Variants in RCOR1 observed in about 807,000 individuals in gnomAD.
RCOR1 encodes the protein REST corepressor 1, also known as REST corepressor.
Under a neutral mutation model 64.0 loss-of-function variants are expected in RCOR1, and 12 were observed. The observed-to-expected ratio is 0.19, with a 90% confidence interval of 0.12 to 0.30. The LOEUF (loss-of-function observed/expected upper bound fraction) is 0.30. RCOR1 is among the 10% of genes least tolerant of loss of function. The pLI, the probability that RCOR1 is intolerant of heterozygous loss-of-function variation, is 1.00. For synonymous variants in RCOR1, 279 were observed against 227.2 expected (o/e 1.23, Z -2.05); for missense variants, 502 against 621.2 (o/e 0.81, Z 2.04).
intron 2 of RCOR1, among the ~76,000 whole-genome samples, chr14:102,599,277 C>G (rs1595188209): frequency 6.6e-6 from 1 of 152,128 alleles, no homozygotes; most frequent in Admixed American, 6.6e-5. Flanking sequence ...TACAGATGTC[C>G]ACGACCATGC....
intron 2 of RCOR1, among the ~76,000 whole-genome samples, chr14:102,670,741 T>TTA (rs5811078): frequency 0.2 from 28,615 of 146,576 alleles, 2,927 homozygotes; most frequent in East Asian, 0.35. Flanking sequence ...GACAAGATTA[T>TTA]TATATATATA....
intron 3 of RCOR1, among the ~76,000 whole-genome samples, chr14:102,692,440 AACACAC>A (rs10622844): frequency 2.3e-3 from 338 of 146,344 alleles, no homozygotes; most frequent in African/African-American, 7.2e-3. Flanking sequence ...GGAAAAAGTT[AACACAC>A]ACACACACAC....
Position 102,592,763 on chromosome 14 carries a change from G to T in RCOR1, c.-124G>T. ...TGGGCCTCCCCCGACTCGGACTCGC[G>T]CCCGTGGGCTCCCGCCGCGCCCGCC... is the stretch of plus-strand genomic sequence containing the variant. On this transcript the variant is annotated 5_prime_UTR_variant, in exon 1 of 12. Transcript: ENST00000262241. 2 of 1,211,408 alleles carry T rather than the reference G, an allele frequency of 1.7e-6. No homozygotes were observed. Among genetic ancestry groups the T allele is most frequent in the Non-Finnish European group, 2.1e-6 (2 of 975,228 alleles). 75.0% of individuals were successfully genotyped at this position (1,211,408 alleles called of 1,614,324 possible). A position where few individuals can be genotyped will look rare whatever the true frequency, so the allele number is the denominator to read the frequency against.
chr14:102,652,719 A>G (rs891274259), intron 2 of RCOR1, among the ~76,000 whole-genome samples: 1 of 152,010 alleles, frequency 6.6e-6, no homozygotes, highest in African/African-American at 2.4e-5. Context: ...TTTCCCATAG[A>G]TACGTAACAA....
intron 2 of RCOR1, among the ~76,000 whole-genome samples, chr14:102,672,835 A>G (rs999620776): frequency 9.9e-5 from 15 of 152,218 alleles, no homozygotes; most frequent in African/African-American, 2.2e-4. Flanking sequence ...TTCTGCTCCC[A>G]AACAGTTGAC....
At chr14:102,655,224 A>G (rs1894698919) in intron 2 of RCOR1, 6 of 983,174 alleles carry the variant, frequency 6.1e-6, no homozygotes, top group South Asian at 4.7e-5. Context: ...CAAGAGAAGT[A>G]CATTTCTTAG....
At chr14:102,668,246 AT>A (rs1294981563) in intron 2 of RCOR1, among the ~76,000 whole-genome samples, 2 of 152,216 alleles carry the variant, frequency 1.3e-5, no homozygotes, top group African/African-American at 4.8e-5. Flanking sequence ...CGTTTAGAAC[AT>A]TTCTTCTGAG....
chr14:102,635,464 A>G (rs1005908044), intron 2 of RCOR1, among the ~76,000 whole-genome samples: 5 of 152,164 alleles, frequency 3.3e-5, no homozygotes, highest in African/African-American at 9.7e-5. Flanking sequence ...AGATCACTCC[A>G]CTGCACTCCA....
intron 2 of RCOR1, among the ~76,000 whole-genome samples, chr14:102,604,683 C>T (rs995011415): frequency 4.6e-5 from 7 of 152,104 alleles, no homozygotes; most frequent in African/African-American, 9.7e-5. Context: ...AAAGGATCAA[C>T]AAGATAGACT....
At chr14:102,699,269 A>G (rs1007935394) in intron 3 of RCOR1, among the ~76,000 whole-genome samples, 4 of 152,232 alleles carry the variant, frequency 2.6e-5, no homozygotes, top group Non-Finnish European at 5.9e-5. Context: ...CTTCAAGTAA[A>G]TTGAAATTTT....
chr14:102,695,249 A>T (rs1459185675), intron 3 of RCOR1: 1 of 152,210 alleles, frequency 6.6e-6, no homozygotes, highest in African/African-American at 2.4e-5. Context: ...CTGTCACTTC[A>T]TCAACCACAG....
chr14:102,593,143 C>T lies in RCOR1; in HGVS notation c.257C>T (p.Ser86Phe), dbSNP rs757175409. Reference sequence around the variant, plus strand: ...CCCAATGGCAACAGCAGCAGCAACTCCTGGGAGGAAGGCAGCTCGGGCTCG... The same window carrying T: ...CCCAATGGCAACAGCAGCAGCAACTTCTGGGAGGAAGGCAGCTCGGGCTCG... Reference protein sequence around the residue: ...AAPNGNSSSNSWEEGSSGSSS... With the variant: ...AAPNGNSSSNFWEEGSSGSSS... The change falls in exon 1 of 12, where the codon TCC becomes TTC. Residue 86 changes from serine to phenylalanine, a missense_variant. This residue lies in a region of RCOR1 where 242 missense variants were observed against 204.9 expected (regional missense o/e 1.18). Transcript: ENST00000262241. 1 of 1,530,242 alleles carries T rather than the reference C, an allele frequency of 6.5e-7. No individual in the cohort carries two copies. The highest frequency in any genetic ancestry group is 1.2e-5 in the South Asian group (1 of 81,760). The allele number at this position is 1,530,242 out of a possible 1,614,324, so 94.8% of individuals were successfully genotyped here. A position where few individuals can be genotyped will look rare whatever the true frequency, so the allele number is the denominator to read the frequency against.
chr14:102,715,120 G>A (rs1248487566), intron 8 of RCOR1, among the ~76,000 whole-genome samples: 1 of 151,470 alleles, frequency 6.6e-6, no homozygotes, highest in Admixed American at 6.6e-5. Context: ...CCAGGCTGGA[G>A]TGCAGTGGCG....
Position 102,623,465 on chromosome 14 carries a change from A to G in RCOR1, c.361+30140A>G, listed in dbSNP as rs537033408. Among the ~76,000 whole-genome samples the G allele has an allele frequency of 3.6e-4, 55 of 150,804 alleles. 1 individual carries two copies. Among genetic ancestry groups the G allele is most frequent in the South Asian group, 6.3e-4 (3 of 4,798 alleles). Reference sequence around the variant, plus strand: ...GCTCTGTCGCCCAGGCTGGAGTGCAATGGCGCGATCTTGGCTCACTGCAAG... The same window carrying G: ...GCTCTGTCGCCCAGGCTGGAGTGCAGTGGCGCGATCTTGGCTCACTGCAAG... On this transcript the variant is annotated intron_variant, in intron 2 of 11. Transcript: ENST00000262241.
chr14:102,610,772 T>G (rs1362353253), intron 2 of RCOR1, among the ~76,000 whole-genome samples: 1 of 151,990 alleles, frequency 6.6e-6, no homozygotes, highest in African/African-American at 2.4e-5. Context: ...GCCAGGATGG[T>G]CTCAATCTCC....
At chr14:102,713,072 G>C (rs540165041) in intron 7 of RCOR1, among the ~76,000 whole-genome samples, 2 of 143,272 alleles carry the variant, frequency 1.4e-5, no homozygotes, top group South Asian at 4.6e-4. Context: ...CTCTGCTTCA[G>C]CCTCCCAAGT....
At chr14:102,677,076 A>G (rs1595225350) in intron 2 of RCOR1, among the ~76,000 whole-genome samples, 1 of 105,514 alleles carries the variant, frequency 9.5e-6, no homozygotes, top group South Asian at 3.4e-4. Context: ...GGCCGGGCAG[A>G]GGGGCTCCTC....
intron 3 of RCOR1, 79 bp downstream of exon 3, chr14:102,682,057 C>G (rs1166951292): frequency 5.2e-6 from 4 of 774,718 alleles, no homozygotes; most frequent in Non-Finnish European, 8.5e-6. Context: ...GTAAAAGCTT[C>G]TATATGTATT....
rs139255181 is a variant in RCOR1, at chr14:102,708,409, T to G, written c.661-56T>G. 4.7e-4 allele frequency: 508 copies of G among 1,080,600 alleles called. 5 individuals carry two copies. The East Asian group carries it at 0.01, about 21-fold the overall frequency. The allele number at this position is 1,080,600 out of a possible 1,614,324, so 66.9% of individuals were successfully genotyped here. On this transcript the variant is annotated intron_variant, in intron 5 of 11. Coordinates refer to ENST00000262241, the MANE Select transcript of RCOR1 (RefSeq NM_015156.4). ...GCCGCTGCGCCCGGCCTTAAACATT[T>G]GATTTTTAAAGATTACTTTTTTATT...
Sources: gnomAD v4.1 joint callset for allele counts (sites outside exome capture counted in the v4.1 genomes callset) on GRCh38, gnomAD v4.1.1 for gene constraint, gnomAD v4.1.1 regional missense constraint, MANE v1.5 for transcripts, NCBI Gene and HGNC (gene_info 2026-07-23, HGNC 2026-07-21) for gene names.